The following ST6GALNAC3 variants were observed in gnomAD, a reference collection of about 807,000 sequenced individuals.
ST6GALNAC3 encodes ST6 N-acetylgalactosaminide alpha-2,6-sialyltransferase 3.
A neutral mutation model predicts 32.7 loss-of-function variants in ST6GALNAC3; 25 were observed. The observed-to-expected ratio is 0.76, with a 90% CI of 0.56 to 1.07. ST6GALNAC3 has a LOEUF of 1.07. Ranked by LOEUF, ST6GALNAC3 falls within the 50% of genes least tolerant of loss-of-function variation. The probability of loss-of-function intolerance (pLI) is 0.00; values close to 1 mark genes in which losing one functional copy is unlikely to be tolerated. For synonymous variants in ST6GALNAC3, 129 were observed against 133.1 expected (o/e 0.97, Z 0.21); for missense variants, 355 against 382.4 (o/e 0.93, Z 0.60).
At chr1:76,372,266 T>C (rs1190807678) in intron 2 of ST6GALNAC3, among the ~76,000 whole-genome samples, 1 of 152,060 alleles carries the variant, frequency 6.6e-6, no homozygotes, top group East Asian at 1.9e-4. Context: ...TGCCTCATCA[T>C]TTCAGTTTTT....
At chr1:76,471,508 A>G (rs1213455614) in intron 3 of ST6GALNAC3, among the ~76,000 whole-genome samples, 2 of 152,098 alleles carry the variant, frequency 1.3e-5, no homozygotes, top group Non-Finnish European at 2.9e-5. Context: ...TGAGTTACCT[A>G]CCCATAGTGG....
chr1:76,444,118 A>G (rs1010166717), intron 3 of ST6GALNAC3, among the ~76,000 whole-genome samples: 1 of 152,196 alleles, frequency 6.6e-6, no homozygotes, highest in Non-Finnish European at 1.5e-5. Flanking sequence ...ACCTGGCTTT[A>G]CTGTGCCTAC....
intron 3 of ST6GALNAC3, among the ~76,000 whole-genome samples, chr1:76,470,098 C>T (rs1658916189): frequency 6.6e-6 from 1 of 152,018 alleles, no homozygotes; most frequent in African/African-American, 2.4e-5. Flanking sequence ...TTTCTGTTCC[C>T]TATTGATACA....
intron 1 of ST6GALNAC3, among the ~76,000 whole-genome samples, chr1:76,255,909 T>G (rs1369987517): frequency 6.6e-6 from 1 of 151,878 alleles, no homozygotes; most frequent in Non-Finnish European, 1.5e-5. Context: ...AAAGATCAAA[T>G]ACATTTATTA....
chr1:76,418,353 C>T (rs1002328996), intron 3 of ST6GALNAC3, among the ~76,000 whole-genome samples: 46 of 152,102 alleles, frequency 3.0e-4, no homozygotes, highest in African/African-American at 1.0e-3. Context: ...ACAAGGAAGC[C>T]GCCTTAACAC....
intron 2 of ST6GALNAC3, among the ~76,000 whole-genome samples, chr1:76,338,166 T>TA (rs763138280): frequency 1.3e-5 from 2 of 152,192 alleles, no homozygotes; most frequent in African/African-American, 2.4e-5. Flanking sequence ...GGGAAAGTAT[T>TA]ACTCTTCTAG....
chr1:76,448,060 C>A (rs1325483421), intron 3 of ST6GALNAC3, among the ~76,000 whole-genome samples: 1 of 152,112 alleles, frequency 6.6e-6, no homozygotes, highest in African/African-American at 2.4e-5. Context: ...TCAACGCCAG[C>A]CAGTGCAAGC....
chr1:76,583,185 T>C (rs987936358), intron 3 of ST6GALNAC3, among the ~76,000 whole-genome samples: 1 of 152,214 alleles, frequency 6.6e-6, no homozygotes, highest in Non-Finnish European at 1.5e-5. Context: ...GAATACTCTA[T>C]TGTACCATAC....
intron 3 of ST6GALNAC3, among the ~76,000 whole-genome samples, chr1:76,444,289 A>G (rs1656818104): frequency 6.6e-6 from 1 of 152,178 alleles, no homozygotes; most frequent in African/African-American, 2.4e-5. Context: ...GCTGGAGTAA[A>G]GACATTTTTT....
At chr1:76,166,157 A>G (rs1176716927) in intron 1 of ST6GALNAC3, among the ~76,000 whole-genome samples, 1 of 152,124 alleles carries the variant, frequency 6.6e-6, no homozygotes, top group African/African-American at 2.4e-5. Flanking sequence ...TTAAGTCCTT[A>G]ATTCATCTTG....
chr1:76,433,028 C>T (rs1320123858), intron 3 of ST6GALNAC3, among the ~76,000 whole-genome samples: 3 of 152,006 alleles, frequency 2.0e-5, no homozygotes, highest in Non-Finnish European at 4.4e-5. Flanking sequence ...TGTGCTCTGT[C>T]TTTTCTCTCC....
At chr1:76,161,361 C>T (rs1006007638) in intron 1 of ST6GALNAC3, among the ~76,000 whole-genome samples, 9 of 152,182 alleles carry the variant, frequency 5.9e-5, no homozygotes, top group Non-Finnish European at 1.3e-4. Context: ...CCGAGGTTTT[C>T]GATTTGTCGG....
At chr1:76,134,433 A>G (rs1197357056) in intron 1 of ST6GALNAC3, among the ~76,000 whole-genome samples, 2 of 152,216 alleles carry the variant, frequency 1.3e-5, no homozygotes, top group African/African-American at 2.4e-5. Context: ...CACTGGACAG[A>G]TGACACCGGA....
chr1:76,462,146 A>C (rs1417105819), intron 3 of ST6GALNAC3, among the ~76,000 whole-genome samples: 1 of 152,076 alleles, frequency 6.6e-6, no homozygotes, highest in East Asian at 1.9e-4. Context: ...TCTTGAGAGC[A>C]ATGATGCTGT....
chr1:76,377,429 G>C (rs1307155085), intron 2 of ST6GALNAC3, among the ~76,000 whole-genome samples: 2 of 150,756 alleles, frequency 1.3e-5, no homozygotes, highest in African/African-American at 4.9e-5. Context: ...TGGTGGGAGG[G>C]CAAAGGGGAA....
At chr1:76,318,853 C>A (rs1646916694) in intron 2 of ST6GALNAC3, among the ~76,000 whole-genome samples, 1 of 152,024 alleles carries the variant, frequency 6.6e-6, no homozygotes. Context: ...CTAAGGTAGT[C>A]CAGGGCTTGG....
intron 1 of ST6GALNAC3, among the ~76,000 whole-genome samples, chr1:76,177,929 G>C (rs1202620194): frequency 6.6e-6 from 1 of 152,206 alleles, no homozygotes; most frequent in Non-Finnish European, 1.5e-5. Flanking sequence ...AGCAGAAATA[G>C]TCATCTAGCA....
intron 3 of ST6GALNAC3, among the ~76,000 whole-genome samples, chr1:76,466,531 A>T (rs1233280063): frequency 6.6e-6 from 1 of 152,124 alleles, no homozygotes; most frequent in Non-Finnish European, 1.5e-5. Context: ...GACTGGACTC[A>T]TATACTACTG....
chr1:76,418,684 C>T (rs1654816241), intron 3 of ST6GALNAC3, among the ~76,000 whole-genome samples: 1 of 151,848 alleles, frequency 6.6e-6, no homozygotes, highest in African/African-American at 2.4e-5. Context: ...GCTGACAAAC[C>T]TCTGTTAGAA....
Sources: allele counts gnomAD v4.1 joint callset (sites outside exome capture counted in the v4.1 genomes callset), GRCh38; gene constraint gnomAD v4.1.1; transcripts MANE v1.5; gene names NCBI Gene and HGNC (gene_info 2026-07-23, HGNC 2026-07-21).